The following BOD1L1 variants were observed in gnomAD, a reference collection of about 807,000 sequenced individuals.
The protein encoded by BOD1L1 is biorientation of chromosomes in cell division protein 1-like 1.
In BOD1L1, 86 loss-of-function variants were observed where a neutral mutation model predicts 240.7. The ratio of observed to expected loss-of-function variants is 0.36; its 90% confidence interval spans 0.30 to 0.43. The LOEUF (loss-of-function observed/expected upper bound fraction) is 0.43, where lower values mean the gene tolerates loss of function less well. Among genes scored for constraint, BOD1L1 ranks in the 20% least tolerant of loss-of-function variants. The pLI is 1.00. For synonymous variants in BOD1L1, 1,268 were observed against 1,272.3 expected, an observed-to-expected ratio of 1.00 and a Z score of 0.07; for missense variants, 3,554 against 3,643.5, an observed-to-expected ratio of 0.98 and a Z score of 0.63.
At chr4:13,571,067 C>T (rs554516354) in intron 25 of BOD1L1, among the ~76,000 whole-genome samples, 3 of 152,328 alleles carry the variant, frequency 2.0e-5, no homozygotes, top group South Asian at 2.1e-4. Context: ...GTTTCAGTTA[C>T]AGCAGCAGGA....
chr4:13,604,539 G>A lies in BOD1L1; in HGVS notation c.2361C>T (p.Thr787=), dbSNP rs750845392. 3.0e-5 allele frequency: 46 copies of A among 1,535,862 alleles called. No individual in the cohort carries two copies. Among genetic ancestry groups the A allele is most frequent in the South Asian group, 1.8e-4 (14 of 77,116 alleles). ...QQTKLSSDDK[T]ERKSKHRNER... Reference sequence around the variant, plus strand: ...CATTCCTATGTTTACTTTTTCGTTCGGTTTTATCATCTGAAGAAAGCTTTG... The same window carrying A: ...CATTCCTATGTTTACTTTTTCGTTCAGTTTTATCATCTGAAGAAAGCTTTG... Residue 787 remains threonine, a synonymous_variant, in exon 10 of 26, where the codon ACC becomes ACT. Transcript: ENST00000040738.
chr4:13,600,450 T>G lies in BOD1L1; in HGVS notation c.6450A>C (p.Glu2150Asp). Residue 2150 changes from glutamate to aspartate, a missense_variant, in exon 10 of 26, where the codon GAA (glutamate) becomes GAC (aspartate). Around this residue, in one of 2 missense-constraint regions of BOD1L1, gnomAD observed 3,393 missense variants for 3,427.1 expected, o/e 0.99. Coordinates refer to ENST00000040738, the MANE Select transcript of BOD1L1 (RefSeq NM_148894.3). ...ECAMISTSIG[E>D]EFELPISSAT... ...CACTGGAGATAGGCAATTCGAATTCTTCCCCTATGCTTGTGGAAATCATGG... is the reference window on the plus strand; with the variant it reads ...CACTGGAGATAGGCAATTCGAATTCGTCCCCTATGCTTGTGGAAATCATGG... 6.2e-7 allele frequency: 1 copy of G among 1,613,924 alleles called. No individual in the cohort carries two copies. The highest frequency in any genetic ancestry group is 8.5e-7 in the Non-Finnish European group (1 of 1,179,882).
intron 25 of BOD1L1, among the ~76,000 whole-genome samples, chr4:13,571,475 C>T (rs189710581): frequency 1.3e-5 from 2 of 152,292 alleles, no homozygotes; most frequent in East Asian, 3.9e-4. Flanking sequence ...AAACTGTTTC[C>T]ATGGAAAGCC....
intron 2 of BOD1L1, among the ~76,000 whole-genome samples, chr4:13,616,142 C>T (rs1226641386): frequency 6.6e-6 from 1 of 152,172 alleles, no homozygotes; most frequent in Non-Finnish European, 1.5e-5. Context: ...AGGCACTATG[C>T]TGGCCACTGA....
chr4:13,587,880 A>AT, intron 15 of BOD1L1, 109 bp from the exon 16 acceptor site: 1 of 752,274 alleles, frequency 1.3e-6, no homozygotes, highest in Non-Finnish European at 2.1e-6. Context: ...TGATATATAA[A>AT]TTTTTTAAAA....
chr4:13,573,466 A>T (rs144419488), intron 25 of BOD1L1, among the ~76,000 whole-genome samples: 5 of 109,842 alleles, frequency 4.6e-5, no homozygotes, highest in African/African-American at 1.4e-4. Context: ...CTATCTATCT[A>T]TCTATCTTTC....
intron 10 of BOD1L1, 97 bp downstream of exon 10, chr4:13,598,849 G>T: frequency 7.8e-7 from 1 of 1,277,020 alleles, no homozygotes; most frequent in Non-Finnish European, 1.1e-6. Flanking sequence ...TATCTTTCTG[G>T]AACCAAAACC....
rs1226305303 is a variant in BOD1L1, at chr4:13,601,748, C to T, written c.5152G>A (p.Gly1718Ser). Reference sequence around the variant, plus strand: ...GTGCCCTCTGTTTCTTTTTTGGGACCCATTCTCATCATATTTCCCTGGGAG... The same window carrying T: ...GTGCCCTCTGTTTCTTTTTTGGGACTCATTCTCATCATATTTCCCTGGGAG... ...DGSQGNMMRM[G>S]PKKETEGTVT... Residue 1718 changes from glycine (G) to serine (S), a missense_variant, in exon 10 of 26, where the codon GGT becomes AGT. Coordinates refer to ENST00000040738, the MANE Select transcript of BOD1L1 (RefSeq NM_148894.3). The T allele has an allele frequency of 6.2e-7, 1 of 1,613,878 alleles. No individual in the cohort carries two copies. The highest frequency in any genetic ancestry group is 1.7e-5 in the Admixed American group (1 of 60,004).
chr4:13,600,736 A>G lies in BOD1L1; in HGVS notation c.6164T>C (p.Ile2055Thr), dbSNP rs1396670508. The part of the protein sequence containing the change: ...GLMATTASGD[I>T]TNQNSLAGGK... ...CCCTGCTAAGCTATTCTGGTTGGTA[A>G]TATCACCACTGGCTGTAGTTGCCAT... Residue 2055 changes from isoleucine (I) to threonine (T), a missense_variant, in exon 10 of 26, where the codon ATT becomes ACT. This residue lies in a region of BOD1L1 where 3,393 missense variants were observed against 3,427.1 expected (regional missense o/e 0.99). Coordinates refer to ENST00000040738, the MANE Select transcript of BOD1L1 (RefSeq NM_148894.3). 1.2e-6 allele frequency: 2 copies of G among 1,613,936 alleles called. No homozygotes were observed. The highest frequency in any genetic ancestry group is 2.2e-5 in the South Asian group (2 of 91,088).
rs1278568834 is a variant in BOD1L1, at chr4:13,601,864, G to C, written c.5036C>G (p.Thr1679Ser). ...RDSEIVEGTI[T>S]FISEVESDGA... Reference sequence around the variant, plus strand: ...ATCACTTTCAACTTCACTAATAAAAGTAATAGTTCCTTCAACTATTTCTGA... The same window carrying C: ...ATCACTTTCAACTTCACTAATAAAACTAATAGTTCCTTCAACTATTTCTGA... The change falls in exon 10 of 26, where the codon ACT becomes AGT. Residue 1679 changes from threonine to serine, a missense_variant. Coordinates refer to ENST00000040738, the MANE Select transcript of BOD1L1 (RefSeq NM_148894.3). 6.2e-7 allele frequency: 1 copy of C among 1,613,902 alleles called. No individual in the cohort carries two copies. Among genetic ancestry groups the C allele is most frequent in the South Asian group, 1.1e-5 (1 of 91,086 alleles).
chr4:13,572,613 ATC>A (rs760359339), intron 25 of BOD1L1: 340 of 1,161,520 alleles, frequency 2.9e-4, no homozygotes, highest in Non-Finnish European at 3.2e-4. Context: ...GTGAGACAAA[ATC>A]TTAAAGGAAA....
intron 25 of BOD1L1, among the ~76,000 whole-genome samples, chr4:13,574,572 A>G (rs1040482267): frequency 6.6e-6 from 1 of 152,216 alleles, no homozygotes; most frequent in African/African-American, 2.4e-5. Context: ...TAGAAGGCCT[A>G]TGGAACTTTC....
In BOD1L1 at chr4:13,614,253, T is replaced by C; in HGVS notation, c.1117A>G (p.Lys373Glu). The C allele has an allele frequency of 6.5e-7, 1 of 1,539,948 alleles. No individual in the cohort carries two copies. Among genetic ancestry groups the C allele is most frequent in the Non-Finnish European group, 8.7e-7 (1 of 1,143,894 alleles). ...QAKEKEVESL[K>E]LPSEKNSNKA... Reference sequence around the variant, plus strand: ...TTACTGTTCTTTTCTGAAGGAAGTTTTAAACTCTCTACTTCTTTTTCCTTT... The same window carrying C: ...TTACTGTTCTTTTCTGAAGGAAGTTCTAAACTCTCTACTTCTTTTTCCTTT... The change falls in exon 4 of 26, where the codon AAA (lysine) becomes GAA (glutamate). Residue 373 changes from lysine to glutamate, a missense_variant. Physicochemically the swap from Lys to Glu is moderately conservative, Grantham distance 56. Transcript: ENST00000040738.
intron 9 of BOD1L1, among the ~76,000 whole-genome samples, chr4:13,605,917 C>T (rs1715661545): frequency 6.6e-6 from 1 of 152,044 alleles, no homozygotes; most frequent in Admixed American, 6.6e-5. Context: ...TCCTTCTGGC[C>T]CTGTGGTTTG....
chr4:13,615,838 A>G (rs1716545437), intron 2 of BOD1L1, among the ~76,000 whole-genome samples: 1 of 152,214 alleles, frequency 6.6e-6, no homozygotes, highest in Non-Finnish European at 1.5e-5. Context: ...TACTCTGCTC[A>G]TGGCATATAG....
chr4:13,618,989 G>A (rs954404992), intron 2 of BOD1L1, among the ~76,000 whole-genome samples: 1 of 152,070 alleles, frequency 6.6e-6, no homozygotes, highest in African/African-American at 2.4e-5. Flanking sequence ...GGTATAGCAA[G>A]GGTAGAAGGC....
At chr4:13,586,849 A>G (rs1163544831) in intron 16 of BOD1L1, among the ~76,000 whole-genome samples, 1 of 152,204 alleles carries the variant, frequency 6.6e-6, no homozygotes, top group African/African-American at 2.4e-5. Flanking sequence ...TGTGGTGAAG[A>G]TAAAGTCGTA....
At position 13,603,626 on chromosome 4, in the gene BOD1L1, T is replaced by G. The variant is rs776608405; in HGVS notation, c.3274A>C (p.Asn1092His). 6.2e-7 allele frequency: 1 copy of G among 1,613,846 alleles called. No homozygotes were observed. Among genetic ancestry groups the G allele is most frequent in the African/African-American group, 1.3e-5 (1 of 74,920 alleles). Residue 1092 changes from asparagine (N) to histidine (H), a missense_variant, in exon 10 of 26, where the codon AAC becomes CAC. Physicochemically the swap from Asn to His is moderately conservative, Grantham distance 68. Coordinates refer to ENST00000040738, the MANE Select transcript of BOD1L1 (RefSeq NM_148894.3). ...MAKGEEKLAA[N>H]TLSTPSGSSL... ...GAACCGCTGGGAGTGCTCAAAGTGT[T>G]TGCTGCTAATTTTTCTTCTCCTTTG...
chr4:13,586,897 CA>C (rs1203704576), intron 16 of BOD1L1, among the ~76,000 whole-genome samples: 3 of 152,146 alleles, frequency 2.0e-5, no homozygotes, highest in Non-Finnish European at 4.4e-5. Flanking sequence ...TATAAGATGA[CA>C]ACACCACCTA....
Sources: allele counts gnomAD v4.1 joint callset (sites outside exome capture counted in the v4.1 genomes callset), GRCh38; gene constraint gnomAD v4.1.1; regional missense constraint gnomAD v4.1.1; transcripts MANE v1.5; gene names NCBI Gene and HGNC (gene_info 2026-07-23, HGNC 2026-07-21).